The following DPT variants were observed in gnomAD, a reference collection of about 807,000 sequenced individuals.
DPT encodes the protein tyrosine-rich acidic matrix protein.
In DPT, 21 loss-of-function variants were observed where a neutral mutation model predicts 31.2. The observed-to-expected ratio is 0.67, with a 90% CI of 0.48 to 0.97. The LOEUF (loss-of-function observed/expected upper bound fraction) is 0.97, where lower values mean the gene tolerates loss of function less well. Among genes scored for constraint, DPT ranks in the 50% least tolerant of loss-of-function variants. The pLI is 0.00. For missense variants in DPT, 262 were observed against 258.8 expected (o/e 1.01, Z -0.08); for synonymous variants, 91 against 86.9 (o/e 1.05, Z -0.26).
intron 3 of DPT, among the ~76,000 whole-genome samples, chr1:168,700,603 G>A (rs527296082): frequency 6.6e-6 from 1 of 152,224 alleles, no homozygotes; most frequent in Non-Finnish European, 1.5e-5. Context: ...GGTGTTTCAT[G>A]AGGAAAAGTG....
chr1:168,698,690 A>G (rs938236286), intron 3 of DPT, among the ~76,000 whole-genome samples: 1 of 152,128 alleles, frequency 6.6e-6, no homozygotes, highest in Non-Finnish European at 1.5e-5. Context: ...TAGACTAAAC[A>G]TCTAGAATGC....
intron 1 of DPT, among the ~76,000 whole-genome samples, chr1:168,727,315 T>C (rs1211425412): frequency 1.3e-5 from 2 of 152,186 alleles, no homozygotes; most frequent in Non-Finnish European, 1.5e-5. Context: ...AAATGGGATA[T>C]ACCCTTGTTT....
At chr1:168,707,727 A>G (rs1312657833) in intron 2 of DPT, among the ~76,000 whole-genome samples, 1 of 152,174 alleles carries the variant, frequency 6.6e-6, no homozygotes. Flanking sequence ...GTGAGTTCTC[A>G]CGAGATCTGA....
chr1:168,700,386 G>T (rs74940469), intron 3 of DPT, among the ~76,000 whole-genome samples: 30 of 152,220 alleles, frequency 2.0e-4, no homozygotes, highest in African/African-American at 7.2e-4. Context: ...AATTTCTATT[G>T]TTCGTAAGTT....
Position 168,703,486 on chromosome 1 carries a change from T to C in DPT, c.432-2362A>G, listed in dbSNP as rs1255626651. On this transcript the variant is annotated intron_variant, in intron 2 of 3. Coordinates refer to ENST00000367817, the MANE Select transcript of DPT (RefSeq NM_001937.5). ...AGTGACCAGACATAAGCCCCCTGTC[T>C]AACTGGACAGTTTGTCCGAGAAGCC... is the stretch of plus-strand genomic sequence containing the variant. Among the ~76,000 whole-genome samples the C allele has an allele frequency of 4.6e-5, 7 of 152,250 alleles. No homozygotes were observed. The East Asian group carries it at 1.3e-3, about 29-fold the overall frequency.
Position 168,696,012 on chromosome 1 carries a change from G to A in DPT, c.*537C>T. 1 of 393,634 alleles carries A rather than the reference G, an allele frequency of 2.5e-6. No individual in the cohort carries two copies. Among genetic ancestry groups the A allele is most frequent in the Admixed American group, 4.4e-5 (1 of 22,604 alleles). 24.4% of individuals were successfully genotyped at this position (393,634 alleles called of 1,614,324 possible). A position where few individuals can be genotyped will look rare whatever the true frequency, so the allele number is the denominator to read the frequency against. ...CCAGTCTCCTCACTCCTGGAGCAAA[G>A]AGCTCTGCACTTGGATTGCTAAGCA... On this transcript the variant is annotated 3_prime_UTR_variant, in exon 4 of 4. Transcript: ENST00000367817.
At chr1:168,722,953 CA>C (rs1289335728) in intron 1 of DPT, among the ~76,000 whole-genome samples, 1 of 152,112 alleles carries the variant, frequency 6.6e-6, no homozygotes, top group Non-Finnish European at 1.5e-5. Context: ...CAGACAGAAG[CA>C]AATCCCCTCC....
At position 168,721,176 on chromosome 1, in the gene DPT, C is replaced by T. The variant is rs1650106737; in HGVS notation, c.306-6830G>A. On this transcript the variant is annotated intron_variant, in intron 1 of 3. Coordinates refer to ENST00000367817, the MANE Select transcript of DPT (RefSeq NM_001937.5). ...GCAGTGAAGTGGCAAGGGACAGAGA[C>T]AAACACAGTTGGGGGCAAGTTTGCC... Among the ~76,000 whole-genome samples the T allele has an allele frequency of 3.9e-5, 6 of 152,302 alleles. No homozygotes were observed. The South Asian group carries it at 1.2e-3, about 32-fold the overall frequency.
At chr1:168,727,779 C>A (rs1650283503) in intron 1 of DPT, among the ~76,000 whole-genome samples, 1 of 151,870 alleles carries the variant, frequency 6.6e-6, no homozygotes, top group African/African-American at 2.4e-5. Flanking sequence ...CTCAAGTGAT[C>A]CTCCCTCCCC....
chr1:168,710,388 C>T (rs1557848237), intron 2 of DPT, among the ~76,000 whole-genome samples: 4 of 152,138 alleles, frequency 2.6e-5, no homozygotes, highest in Admixed American at 2.0e-4. Flanking sequence ...TCTGTACTTT[C>T]CCCACCTTTT....
In DPT at chr1:168,729,154, C is replaced by G; in HGVS notation, c.21G>C (p.Trp7Cys). The change falls in exon 1 of 4, where the codon TGG becomes TGC. Residue 7 changes from tryptophan (W) to cysteine (C), a missense_variant. Transcript: ENST00000367817. ...CCATGGTGACTAGGGGCAGAAGTAC[C>G]CAGAGAAGACTGAGGTCCATGCTGC... MDLSLL[W>C]VLLPLVTMAW... 5.0e-6 allele frequency: 8 copies of G among 1,613,754 alleles called. No individual in the cohort carries two copies. Among genetic ancestry groups the G allele is most frequent in the Non-Finnish European group, 8.5e-7 (1 of 1,179,756 alleles).
intron 1 of DPT, among the ~76,000 whole-genome samples, chr1:168,721,517 G>T (rs1650113706): frequency 6.6e-6 from 1 of 152,098 alleles, no homozygotes; most frequent in Non-Finnish European, 1.5e-5. Flanking sequence ...GTAAATATTG[G>T]AGCCTACATT....
At chr1:168,724,689 C>G (rs1012867475) in intron 1 of DPT, among the ~76,000 whole-genome samples, 2 of 152,248 alleles carry the variant, frequency 1.3e-5, no homozygotes, top group Admixed American at 6.5e-5. Flanking sequence ...ACTCAATACT[C>G]AGAACCATGA....
chr1:168,704,588 G>T (rs1649677012), intron 2 of DPT, among the ~76,000 whole-genome samples: 1 of 148,144 alleles, frequency 6.8e-6, no homozygotes, highest in South Asian at 2.1e-4. Context: ...ACTGGTGTGT[G>T]TGTGGGGTGT....
At chr1:168,706,999 T>C (rs555966798) in intron 2 of DPT, among the ~76,000 whole-genome samples, 1 of 152,364 alleles carries the variant, frequency 6.6e-6, no homozygotes, top group South Asian at 2.1e-4. Flanking sequence ...TTCTACCAGA[T>C]GCCTACTGTG....
chr1:168,719,437 A>G (rs537708667), intron 1 of DPT, among the ~76,000 whole-genome samples: 182 of 152,310 alleles, frequency 1.2e-3, no homozygotes, highest in Non-Finnish European at 2.2e-3. Flanking sequence ...GACTGGGGGA[A>G]CTGTCAGGGA....
Position 168,714,228 on chromosome 1 carries a change from A to T in DPT, c.424T>A (p.Ser142Thr). ...GTCGGCTGCCAGACTCACCAGCAGG[A>T]ATATGGGCACCTCTTGCTGTAGCGA... Reference protein sequence around the residue: ...CCRYSKRCPYSCWLTTEYPGH... With the variant: ...CCRYSKRCPYTCWLTTEYPGH... Residue 142 changes from serine to threonine, a missense_variant, in exon 2 of 4, where the codon TCC becomes ACC. Coordinates refer to ENST00000367817, the MANE Select transcript of DPT (RefSeq NM_001937.5). The T allele has an allele frequency of 6.2e-7, 1 of 1,614,092 alleles. No individual in the cohort carries two copies. The highest frequency in any genetic ancestry group is 8.5e-7 in the Non-Finnish European group (1 of 1,180,004).
chr1:168,709,545 A>G (rs1649802364), intron 2 of DPT, among the ~76,000 whole-genome samples: 1 of 152,308 alleles, frequency 6.6e-6, no homozygotes, highest in East Asian at 1.9e-4. Flanking sequence ...GTTCCCACCA[A>G]ACAAATAAAT....
At chr1:168,714,171 G>T (rs752589394) in intron 2 of DPT, 50 bp downstream of exon 2, 2 of 1,612,286 alleles carry the variant, frequency 1.2e-6, no homozygotes, top group Non-Finnish European at 1.7e-6. Context: ...CTTCCTAGGT[G>T]CCTCTCCCAC....
Sources: gnomAD v4.1 joint callset for allele counts (sites outside exome capture counted in the v4.1 genomes callset) on GRCh38, gnomAD v4.1.1 for gene constraint, MANE v1.5 for transcripts, NCBI Gene and HGNC (gene_info 2026-07-23, HGNC 2026-07-21) for gene names.